The following GOLGA2 variants were observed in gnomAD, a reference collection of about 807,000 sequenced individuals.
GOLGA2 encodes the protein golgin subfamily A member 2.
Under a neutral mutation model 148.8 loss-of-function variants are expected in GOLGA2, and 49 were observed. The ratio of observed to expected loss-of-function variants is 0.33; its 90% confidence interval spans 0.26 to 0.42. GOLGA2 has a LOEUF of 0.42. Among genes scored for constraint, GOLGA2 ranks in the 10% least tolerant of loss-of-function variants. The pLI is 1.00. For synonymous variants in GOLGA2, 501 were observed against 511.8 expected, an observed-to-expected ratio of 0.98 and a Z score of 0.28; for missense variants, 1,178 against 1,304.6, an observed-to-expected ratio of 0.90 and a Z score of 1.49.
rs149887684 is a variant in GOLGA2, at chr9:128,263,185, C to T, written c.934-93G>A. 1.6e-4 allele frequency: 120 copies of T among 773,728 alleles called. No homozygotes were observed. In the East Asian group the frequency reaches 2.9e-3, roughly 19 times the overall value. The allele number at this position is 773,728 out of a possible 1,614,324, so 47.9% of individuals were successfully genotyped here. A position where few individuals can be genotyped will look rare whatever the true frequency, so the allele number is the denominator to read the frequency against. ...AGCTACAGTAAGTACTCCACAGTAA[C>T]ACTTCCTCACTCTCAATCACACTTG... On this transcript the variant is annotated intron_variant, in intron 12 of 26. Coordinates refer to ENST00000611957, the MANE Select transcript of GOLGA2 (RefSeq NM_001366244.2).
In GOLGA2 at chr9:128,265,704, A is replaced by T; in HGVS notation, c.827-13T>A. The T allele has an allele frequency of 2.5e-6, 4 of 1,612,798 alleles. No homozygotes were observed. The highest frequency in any genetic ancestry group is 3.4e-6 in the Non-Finnish European group (4 of 1,178,820). ...TCTTCAGACTCTCCTGGAATGAGAG[A>T]GGTTGAGATGGGGCCCAAAGGACTC... On this transcript the variant is annotated splice_polypyrimidine_tract_variant and intron_variant, in intron 11 of 26. Transcript: ENST00000611957.
At chr9:128,270,904 C>T (rs1247741243) in intron 3 of GOLGA2, among the ~76,000 whole-genome samples, 1 of 151,832 alleles carries the variant, frequency 6.6e-6, no homozygotes, top group Non-Finnish European at 1.5e-5. Flanking sequence ...AAAAAATGGC[C>T]GGGCGTGATG....
Position 128,266,616 on chromosome 9 carries a change from T to G in GOLGA2, c.643-291A>C. The G allele has an allele frequency of 1.9e-6, 1 of 530,198 alleles. No individual in the cohort carries two copies. Among genetic ancestry groups the G allele is most frequent in the Non-Finnish European group, 3.4e-6 (1 of 298,246 alleles). The allele number at this position is 530,198 out of a possible 1,614,324, so 32.8% of individuals were successfully genotyped here. ...GTGAGAAAAGCCCACCCTCTGCCAGTTTGTGATTTAGAAAGGTGTAATCAT... is the reference window on the plus strand; with the variant it reads ...GTGAGAAAAGCCCACCCTCTGCCAGGTTGTGATTTAGAAAGGTGTAATCAT... On this transcript the variant is annotated intron_variant, in intron 8 of 26. Coordinates refer to ENST00000611957, the MANE Select transcript of GOLGA2 (RefSeq NM_001366244.2). This position sits in a 1 kb window ranked among gnomAD's most constrained non-coding sequence, Gnocchi z 4.2.
rs1436063523 is a variant in GOLGA2 at position 128,273,892 on chromosome 9, G to A, written c.165C>T (p.Asn55=). The A allele has an allele frequency of 2.5e-6, 4 of 1,614,004 alleles. No individual in the cohort carries two copies. The highest frequency in any genetic ancestry group is 3.4e-6 in the Non-Finnish European group (4 of 1,179,884). The change falls in exon 2 of 27, where the codon AAC becomes AAT. Residue 55 remains asparagine (N), a synonymous_variant. Coordinates refer to ENST00000611957, the MANE Select transcript of GOLGA2 (RefSeq NM_001366244.2). ...AACCACCAGAAGTGGTTGTCTCAGG[G>A]TTACTGCCATTTTTTATTTTCTTCT... ...KKKKKIKNGS[N]PETTTSGGCH... is the part of the protein sequence containing the mutation.
intron 12 of GOLGA2, among the ~76,000 whole-genome samples, chr9:128,263,992 TAAA>T (rs1168441141): frequency 7.8e-6 from 1 of 128,272 alleles, no homozygotes. Flanking sequence ...CCATCTCTAC[TAAA>T]AAAAAAAAAA....
rs138823741 is a variant in GOLGA2, at chr9:128,265,668, G to A, written c.850C>T (p.Arg284Cys). ...ACACGCCGCCGGGAATACTGCAGGC[G>A]GCTGGCCAGATCTTCAGACTCTCCT... ...KEGESEDLAS[R>C]LQYSRRRVGE... Residue 284 changes from arginine (R) to cysteine (C), a missense_variant, in exon 12 of 27, where the codon CGC (arginine) becomes TGC (cysteine). This residue lies in a region of GOLGA2 where 304 missense variants were observed against 404.1 expected (regional missense o/e 0.75). Transcript: ENST00000611957. 112 of 1,613,842 alleles carry A rather than the reference G, an allele frequency of 6.9e-5. No homozygotes were observed. Among genetic ancestry groups the A allele is most frequent in the South Asian group, 1.5e-4 (14 of 91,074 alleles).
chr9:128,268,451 C>G lies in GOLGA2; in HGVS notation c.362G>C (p.Gly121Ala), dbSNP rs180749947. The G allele has an allele frequency of 1.2e-6, 2 of 1,610,360 alleles. No individual in the cohort carries two copies. The highest frequency in any genetic ancestry group is 4.5e-5 in the East Asian group (2 of 44,856). Residue 121 changes from glycine to alanine, a missense_variant, in exon 4 of 27, where the codon GGT becomes GCT. Gly to Ala is a moderately conservative substitution (Grantham distance 60). This residue lies in a region of GOLGA2 where 158 missense variants were observed against 156.6 expected (regional missense o/e 1.01). Coordinates refer to ENST00000611957, the MANE Select transcript of GOLGA2 (RefSeq NM_001366244.2). ...TVLPGGVPSP[G>A]ASLTSMAASQ... is the part of the protein sequence containing the mutation. ...TGCCGCCATGCTAGTGAGACTGGCA[C>G]CAGGGGAAGGGACACCGCCAGGTAA...
In GOLGA2 at chr9:128,258,424, G is replaced by T; in HGVS notation, c.2289+31C>A. The T allele has an allele frequency of 1.3e-6, 2 of 1,578,740 alleles. No homozygotes were observed. Among genetic ancestry groups the T allele is most frequent in the Non-Finnish European group, 1.7e-6 (2 of 1,148,722 alleles). The stretch of plus-strand genomic sequence containing the variant: ...CTGGGAGGGACCACAGAGGGAGGCA[G>T]CAAAGGTTGGGGAGGGGGAGTCAGC... On this transcript the variant is annotated intron_variant, in intron 22 of 26. Coordinates refer to ENST00000611957, the MANE Select transcript of GOLGA2 (RefSeq NM_001366244.2). This position sits in a 1 kb window ranked among gnomAD's most constrained non-coding sequence, Gnocchi z 6.6.
intron 12 of GOLGA2, among the ~76,000 whole-genome samples, chr9:128,263,953 G>A (rs1317786242): frequency 6.7e-6 from 1 of 148,558 alleles, no homozygotes; most frequent in Non-Finnish European, 1.5e-5. Flanking sequence ...TCAGGGGATC[G>A]AGACCATCCT....
Position 128,257,562 on chromosome 9 carries a change from C to G in GOLGA2, c.2719-37G>C. 6.2e-7 allele frequency: 1 copy of G among 1,614,048 alleles called. No homozygotes were observed. Among genetic ancestry groups the G allele is most frequent in the Non-Finnish European group, 8.5e-7 (1 of 1,179,978 alleles). On this transcript the variant is annotated intron_variant, in intron 25 of 26. Transcript: ENST00000611957. This position sits in a 1 kb window ranked among gnomAD's most constrained non-coding sequence, Gnocchi z 8.0. ...GGTGCTAAGCTGCCATGCCCATGCC[C>G]GTGCCCACCTCCACCCCCAGAGATG...
chr9:128,264,457 T>G (rs1455457869), intron 12 of GOLGA2, among the ~76,000 whole-genome samples: 2 of 151,752 alleles, frequency 1.3e-5, no homozygotes, highest in Non-Finnish European at 2.9e-5. Context: ...AGACAGAGTC[T>G]CCCTCTGTCA....
At position 128,256,910 on chromosome 9, in the gene GOLGA2, G is replaced by T; in HGVS notation, c.*157C>A. 1.7e-6 allele frequency: 1 copy of T among 583,104 alleles called. No homozygotes were observed. The highest frequency in any genetic ancestry group is 3.1e-6 in the Non-Finnish European group (1 of 325,518). 36.1% of individuals were successfully genotyped at this position (583,104 alleles called of 1,614,324 possible). ...TAGTGGCCAGCTTTTAGATGACAGT[G>T]ATCTTCACCTCATCTGCACCTGTCT... On this transcript the variant is annotated 3_prime_UTR_variant, in exon 27 of 27. Transcript: ENST00000611957.
Position 128,258,123 on chromosome 9 carries a change from T to A in GOLGA2, c.2365A>T (p.Arg789Trp). The A allele has an allele frequency of 6.2e-7, 1 of 1,608,878 alleles. No individual in the cohort carries two copies. The highest frequency in any genetic ancestry group is 2.2e-5 in the East Asian group (1 of 44,822). Residue 789 changes from arginine (R) to tryptophan (W), a missense_variant, in exon 23 of 27, where the codon AGG becomes TGG. By Grantham distance (101) the Arg-to-Trp change is moderately radical. Transcript: ENST00000611957. The surrounding 1 kb of genome is among the most constrained non-coding windows in gnomAD (Gnocchi z 6.6). Reference protein sequence around the residue: ...ARLRGQLKEQRVRCRRLAHLL... With the variant: ...ARLRGQLKEQWVRCRRLAHLL... ...TGAGCCAGGCGCCGGCAGCGCACCC[T>A]TTGCTCCTTCAGCTGCCCACGTAGC...
chr9:128,266,203 G>T lies in GOLGA2; in HGVS notation c.681+84C>A, dbSNP rs1830587212. 7.2e-7 allele frequency: 1 copy of T among 1,388,976 alleles called. No individual in the cohort carries two copies. Among genetic ancestry groups the T allele is most frequent in the African/African-American group, 1.4e-5 (1 of 70,602 alleles). 86.0% of individuals were successfully genotyped at this position (1,388,976 alleles called of 1,614,324 possible). On this transcript the variant is annotated intron_variant, in intron 9 of 26. Coordinates refer to ENST00000611957, the MANE Select transcript of GOLGA2 (RefSeq NM_001366244.2). This position sits in a 1 kb window ranked among gnomAD's most constrained non-coding sequence, Gnocchi z 4.2. Reference sequence around the variant, plus strand: ...AGCCTTCTTCCCCAGGCTGGGAGTGGGTGAGACGAGACTGAGGCCTCTACA... The same window carrying T: ...AGCCTTCTTCCCCAGGCTGGGAGTGTGTGAGACGAGACTGAGGCCTCTACA...
At chr9:128,263,412 G>A (rs967159858) in intron 12 of GOLGA2, among the ~76,000 whole-genome samples, 15 of 152,066 alleles carry the variant, frequency 9.9e-5, no homozygotes, top group Non-Finnish European at 1.2e-4. Context: ...CACCATGTCC[G>A]GCTAATTTGT....
chr9:128,262,295 A>C (rs543760867), intron 14 of GOLGA2, among the ~76,000 whole-genome samples: 1 of 151,984 alleles, frequency 6.6e-6, no homozygotes, highest in Non-Finnish European at 1.5e-5. Context: ...TGTAATCTCT[A>C]AAATAATGGT....
chr9:128,261,220 G>A lies in GOLGA2; in HGVS notation c.1372C>T (p.Arg458Trp), dbSNP rs371068116. ...AAGCTCGTCTCCAGCTCCTGTACCC[G>A]ACTCATGCTACATTCCTTCTCCTCT... The part of the protein sequence containing the change: ...LREEKECSMS[R>W]VQELETSLAE... The change falls in exon 17 of 27, where the codon CGG becomes TGG. Residue 458 changes from arginine (R) to tryptophan (W), a missense_variant. Physicochemically the swap from Arg to Trp is moderately radical, Grantham distance 101. This residue lies in a region of GOLGA2 where 529 missense variants were observed against 521.8 expected (regional missense o/e 1.01). Transcript: ENST00000611957. This position sits in a 1 kb window ranked among gnomAD's most constrained non-coding sequence, Gnocchi z 5.7. 34 of 1,613,786 alleles carry A rather than the reference G, an allele frequency of 2.1e-5. No homozygotes were observed. Among genetic ancestry groups the A allele is most frequent in the Admixed American group, 3.3e-5 (2 of 59,988 alleles).
At chr9:128,265,511 G>A in intron 12 of GOLGA2, 74 bp downstream of exon 12, 1 of 1,104,646 alleles carries the variant, frequency 9.1e-7, no homozygotes, top group South Asian at 1.2e-5. Context: ...CAACCCTGCA[G>A]AAGGGACCTT....
Position 128,263,076 on chromosome 9 carries a change from G to A in GOLGA2, c.950C>T (p.Thr317Ile). 6.2e-7 allele frequency: 1 copy of A among 1,608,986 alleles called. No homozygotes were observed. Among genetic ancestry groups the A allele is most frequent in the East Asian group, 2.2e-5 (1 of 44,870 alleles). The change falls in exon 13 of 27, where the codon ACC becomes ATC. Residue 317 changes from threonine to isoleucine, a missense_variant. Coordinates refer to ENST00000611957, the MANE Select transcript of GOLGA2 (RefSeq NM_001366244.2). ...CAGCCTGAGGGCGTCTCTCTCTTTG[G>A]TTAACTCCTTGTTGTACTGTAAATA... ...KKADRYNKEL[T>I]KERDALRLEL...
Sources: gnomAD v4.1 joint callset for allele counts (sites outside exome capture counted in the v4.1 genomes callset) on GRCh38, gnomAD v4.1.1 for gene constraint, gnomAD v4.1.1 regional missense constraint, Gnocchi (gnomAD v3.1) non-coding constraint, MANE v1.5 for transcripts, NCBI Gene and HGNC (gene_info 2026-07-23, HGNC 2026-07-21) for gene names.